Variants in TRIM13 observed in about 807,000 individuals in gnomAD.
The protein encoded by TRIM13 is E3 ubiquitin-protein ligase TRIM13.
A neutral mutation model predicts 27.1 loss-of-function variants in TRIM13; 15 were observed. That is an observed-to-expected ratio of 0.55 (90% CI 0.37 to 0.85). The LOEUF (loss-of-function observed/expected upper bound fraction) is 0.85. TRIM13 is among the 40% of genes least tolerant of loss of function. The pLI, the probability that TRIM13 is intolerant of heterozygous loss-of-function variation, is 0.00. For synonymous variants in TRIM13, 193 were observed against 171.5 expected, an observed-to-expected ratio of 1.13 and a Z score of -0.98; for missense variants, 402 against 472.2, an observed-to-expected ratio of 0.85 and a Z score of 1.38.
chr13:50,006,955 C>T (rs778198392), intron 1 of TRIM13, among the ~76,000 whole-genome samples: 5 of 148,340 alleles, frequency 3.4e-5, no homozygotes, highest in South Asian at 2.1e-4. Context: ...CTGAGGTGGG[C>T]GGATCACCCG....
intron 1 of TRIM13, among the ~76,000 whole-genome samples, chr13:50,001,308 AAG>A (rs1491008731): frequency 1.3e-5 from 2 of 151,700 alleles, no homozygotes; most frequent in Admixed American, 6.6e-5. Flanking sequence ...AAAAAAAAAA[AAG>A]GCAGGAAAGA....
Position 50,012,757 on chromosome 13 carries a change from C to G in TRIM13, c.817C>G (p.Pro273Ala). The change falls in exon 2 of 2, where the codon CCT becomes GCT. Residue 273 changes from proline to alanine, a missense_variant. This residue lies in a region of TRIM13 where 200 missense variants were observed against 194.7 expected (regional missense o/e 1.03). Coordinates refer to ENST00000378182, the MANE Select transcript of TRIM13 (RefSeq NM_213590.3). The part of the protein sequence containing the change: ...KETPLPPSNL[P>A]ASPLMKNFDT... ...AACTCCTTTACCTCCCTCTAATTTG[C>G]CTGCAAGCCCTTTAATGAAGAACTT... 1.2e-6 allele frequency: 2 copies of G among 1,614,000 alleles called. No individual in the cohort carries two copies. Among genetic ancestry groups the G allele is most frequent in the Non-Finnish European group, 8.5e-7 (1 of 1,179,988 alleles).
Position 50,017,958 on chromosome 13 carries a change from G to A in TRIM13, c.*4794G>A, listed in dbSNP as rs1224231964. 6.0e-6 allele frequency: 1 copy of A among 166,992 alleles called. No individual in the cohort carries two copies. The highest frequency in any genetic ancestry group is 1.5e-5 in the Non-Finnish European group (1 of 68,082). 10.3% of individuals were successfully genotyped at this position (166,992 alleles called of 1,614,324 possible). On this transcript the variant is annotated 3_prime_UTR_variant, in exon 2 of 2. Transcript: ENST00000378182. ...CCCCTCAAGGTTAACCTAGCAGGTT[G>A]CTCAGTTATTATCTCTCAAGGTCAC... is the stretch of plus-strand genomic sequence containing the variant.
At chr13:50,003,456 T>C (rs1266910199) in intron 1 of TRIM13, among the ~76,000 whole-genome samples, 3 of 152,314 alleles carry the variant, frequency 2.0e-5, no homozygotes, top group African/African-American at 2.4e-5. Context: ...CTTTTACTAA[T>C]AGGTTTTATA....
chr13:49,999,313 C>T (rs1399576465), intron 1 of TRIM13, among the ~76,000 whole-genome samples: 4 of 152,062 alleles, frequency 2.6e-5, no homozygotes, highest in East Asian at 1.9e-4. Context: ...TGTAAATCAC[C>T]ACCTCCTCAA....
intron 1 of TRIM13, among the ~76,000 whole-genome samples, chr13:50,007,361 G>A (rs995863081): frequency 6.6e-5 from 10 of 150,600 alleles, no homozygotes; most frequent in African/African-American, 1.5e-4. Flanking sequence ...CGTGGTGGCC[G>A]GTGCCTGTAA....
At chr13:50,006,532 C>G (rs1478674994) in intron 1 of TRIM13, among the ~76,000 whole-genome samples, 2 of 152,056 alleles carry the variant, frequency 1.3e-5, no homozygotes, top group Non-Finnish European at 2.9e-5. Flanking sequence ...AAAAATCTGG[C>G]CTTTGTGTAG....
At position 50,013,924 on chromosome 13, in the gene TRIM13, G is replaced by A. The variant is rs952596287; in HGVS notation, c.*760G>A. Reference sequence around the variant, plus strand: ...TAGAAGATTTCACACACACACGCGTGTGTGGGAGACAACTAAAGGTATTGA... The same window carrying A: ...TAGAAGATTTCACACACACACGCGTATGTGGGAGACAACTAAAGGTATTGA... On this transcript the variant is annotated 3_prime_UTR_variant, in exon 2 of 2. Coordinates refer to ENST00000378182, the MANE Select transcript of TRIM13 (RefSeq NM_213590.3). 2 of 166,706 alleles carry A rather than the reference G, an allele frequency of 1.2e-5. No homozygotes were observed. The highest frequency in any genetic ancestry group is 4.8e-5 in the African/African-American group (2 of 41,318). The allele number at this position is 166,706 out of a possible 1,614,324, so 10.3% of individuals were successfully genotyped here. A position where few individuals can be genotyped will look rare whatever the true frequency, so the allele number is the denominator to read the frequency against.
chr13:50,006,804 A>G (rs1165505868), intron 1 of TRIM13, among the ~76,000 whole-genome samples: 1 of 152,180 alleles, frequency 6.6e-6, no homozygotes, highest in Non-Finnish European at 1.5e-5. Flanking sequence ...GCAATATGAC[A>G]CTAAATTTGA....
chr13:50,015,490 A>G lies in TRIM13; in HGVS notation c.*2326A>G. ...GGTAGCCTCTAGTTTGAAGTGAGGG[A>G]AGAATGAGTAGTCAGGAACTGGTCA... On this transcript the variant is annotated 3_prime_UTR_variant, in exon 2 of 2. Transcript: ENST00000378182. 6.3e-7 allele frequency: 1 copy of G among 1,597,854 alleles called. No homozygotes were observed. Among genetic ancestry groups the G allele is most frequent in the Non-Finnish European group, 8.5e-7 (1 of 1,170,260 alleles).
At chr13:50,000,850 A>C (rs1180133599) in intron 1 of TRIM13, 1 of 152,204 alleles carries the variant, frequency 6.6e-6, no homozygotes, top group East Asian at 1.9e-4. Context: ...TTATGGTTTT[A>C]ATTGTGGTAA....
chr13:50,012,446 G>C lies in TRIM13; in HGVS notation c.506G>C (p.Arg169Thr). ...TTGGATACCTTGGAAACTAGTAAGA[G>C]GAAATCCCTACAGTTACTGACTAAA... ...SRLDTLETSK[R>T]KSLQLLTKDS... Residue 169 changes from arginine to threonine, a missense_variant, in exon 2 of 2, where the codon AGG becomes ACG. Arg to Thr is a moderately conservative substitution (Grantham distance 71). This residue lies in a region of TRIM13 where 202 missense variants were observed against 277.5 expected (regional missense o/e 0.73). Coordinates refer to ENST00000378182, the MANE Select transcript of TRIM13 (RefSeq NM_213590.3). 2 of 1,613,994 alleles carry C rather than the reference G, an allele frequency of 1.2e-6. No homozygotes were observed. Among genetic ancestry groups the C allele is most frequent in the Non-Finnish European group, 1.7e-6 (2 of 1,179,970 alleles).
chr13:50,013,120 C>CTGAA lies in TRIM13; in HGVS notation c.1181_1184dup (p.Asn396GlufsTer11), dbSNP rs1485444054. The CTGAA allele has an allele frequency of 1.2e-6, 2 of 1,605,954 alleles. No individual in the cohort carries two copies. Among genetic ancestry groups the CTGAA allele is most frequent in the Non-Finnish European group, 1.7e-6 (2 of 1,176,960 alleles). On this transcript the variant is annotated frameshift_variant, in exon 2 of 2. Coordinates refer to ENST00000378182, the MANE Select transcript of TRIM13 (RefSeq NM_213590.3). LOFTEE classifies it high-confidence loss of function. ...ATTCAAGAATTTTACTTTGGTGGTA[C>CTGAA]TGAACAATGTGGCAGAATTTGTGTG... is the stretch of plus-strand genomic sequence containing the variant.
rs1876247083 is a variant in TRIM13 at position 50,015,087 on chromosome 13, AAAAAAAAATATATATATATAT to A, written c.*1925_*1945del. The A allele has an allele frequency of 1.1e-4, 6 of 54,798 alleles. 1 individual carries two copies. The highest frequency in any genetic ancestry group is 1.0e-3 in the Admixed American group (4 of 3,902). 3.4% of individuals were successfully genotyped at this position (54,798 alleles called of 1,614,324 possible). On this transcript the variant is annotated 3_prime_UTR_variant, in exon 2 of 2. Transcript: ENST00000378182. ...CCCCTCCCAGTAATAAAAAAAAAAA[AAAAAAAAATATATATATATAT>A]ATATATATATATATATATATATATA...
rs568117490 is a variant in TRIM13, at chr13:50,013,364, TAA to T, written c.*203_*204del. On this transcript the variant is annotated 3_prime_UTR_variant, in exon 2 of 2. Transcript: ENST00000378182. The stretch of plus-strand genomic sequence containing the variant: ...GTATAGGCCTGAACCTTTTTTTGTT[TAA>T]AAGAGTGCTTTTGAAATAAGCATCC... The T allele has an allele frequency of 3.9e-4, 183 of 468,054 alleles. No homozygotes were observed. In the East Asian group the frequency reaches 6.7e-3, roughly 17 times the overall value. 29.0% of individuals were successfully genotyped at this position (468,054 alleles called of 1,614,324 possible). A position where few individuals can be genotyped will look rare whatever the true frequency, so the allele number is the denominator to read the frequency against.
At position 50,015,955 on chromosome 13, in the gene TRIM13, T is replaced by G; in HGVS notation, c.*2791T>G. On this transcript the variant is annotated 3_prime_UTR_variant, in exon 2 of 2. Coordinates refer to ENST00000378182, the MANE Select transcript of TRIM13 (RefSeq NM_213590.3). The stretch of plus-strand genomic sequence containing the variant: ...AACCTTCAGCGCCGACCTGGAATGG[T>G]AACTTTTTCCCTCCTCAGATGACCT... 1.2e-6 allele frequency: 2 copies of G among 1,614,122 alleles called. No individual in the cohort carries two copies. The highest frequency in any genetic ancestry group is 1.7e-6 in the Non-Finnish European group (2 of 1,179,972).
rs1876067565 is a variant in TRIM13, at chr13:50,014,343, A to AAT, written c.*1180_*1181insTA. 1 of 60,198 alleles carries AAT rather than the reference A, an allele frequency of 1.7e-5. No individual in the cohort carries two copies. Among genetic ancestry groups the AAT allele is most frequent in the South Asian group, 7.0e-4 (1 of 1,436 alleles). 3.7% of individuals were successfully genotyped at this position (60,198 alleles called of 1,614,324 possible). On this transcript the variant is annotated 3_prime_UTR_variant, in exon 2 of 2. Coordinates refer to ENST00000378182, the MANE Select transcript of TRIM13 (RefSeq NM_213590.3). ...AAAAAAAAAAAAAAAAAAAAAAAAA[A>AAT]AATATATATATATATATACACACAC... is the stretch of plus-strand genomic sequence containing the variant.
At chr13:49,998,156 C>T (rs1355243100) in intron 1 of TRIM13, among the ~76,000 whole-genome samples, 2 of 152,162 alleles carry the variant, frequency 1.3e-5, no homozygotes, top group Non-Finnish European at 2.9e-5. Context: ...CATAGGCACT[C>T]CTTCTAGTAG....
intron 1 of TRIM13, among the ~76,000 whole-genome samples, chr13:50,002,371 A>G (rs538900562): frequency 3.4e-5 from 4 of 116,474 alleles, no homozygotes; most frequent in African/African-American, 1.0e-4. Context: ...CCTGGGTGAC[A>G]GAGCAAGACT....
Sources: allele counts gnomAD v4.1 joint callset (sites outside exome capture counted in the v4.1 genomes callset), GRCh38; gene constraint gnomAD v4.1.1; regional missense constraint gnomAD v4.1.1; transcripts MANE v1.5; gene names NCBI Gene and HGNC (gene_info 2026-07-23, HGNC 2026-07-21).